PKD1L1: variants seen among roughly 807,000 people sequenced by gnomAD.
The protein encoded by PKD1L1 is polycystin-1-like protein 1.
PKD1L1 carries 236 observed loss-of-function variants against 323.4 expected under a neutral mutation model. The ratio of observed to expected loss-of-function variants is 0.73; its 90% CI spans 0.66 to 0.81. PKD1L1 has a LOEUF of 0.81. Ranked by LOEUF, PKD1L1 falls within the 40% of genes least tolerant of loss-of-function variation. PKD1L1 has a pLI of 0.00. For synonymous variants in PKD1L1, 1,344 were observed against 1,335.0 expected, an observed-to-expected ratio of 1.01 and a Z score of -0.15; for missense variants, 3,320 against 3,508.0, an observed-to-expected ratio of 0.95 and a Z score of 1.35.
intron 19 of PKD1L1, among the ~76,000 whole-genome samples, chr7:47,884,158 T>A (rs1001392759): frequency 1.9e-4 from 28 of 144,520 alleles, no homozygotes; most frequent in African/African-American, 6.8e-4. Flanking sequence ...CTGGTGTGTG[T>A]GTGTGTGTTT....
chr7:47,885,684 AC>A lies in PKD1L1; in HGVS notation c.3205+1del. 1 of 1,608,616 alleles carries A rather than the reference AC, an allele frequency of 6.2e-7. No homozygotes were observed. Among genetic ancestry groups the A allele is most frequent in the Non-Finnish European group, 8.5e-7 (1 of 1,177,010 alleles). Reference sequence around the variant, plus strand: ...ATGACATGCAGGAACAGTGGCACTTACCAGAGAGGTGAGGGTCAGGGCTGTG... The same window carrying A: ...ATGACATGCAGGAACAGTGGCACTTACAGAGAGGTGAGGGTCAGGGCTGTG... On this transcript the variant is annotated splice_donor_variant, in intron 18 of 56. Transcript: ENST00000289672. LOFTEE classifies it high-confidence loss of function.
chr7:47,907,991 A>T, intron 9 of PKD1L1, 86 bp downstream of exon 9: 1 of 1,339,418 alleles, frequency 7.5e-7, no homozygotes, highest in Non-Finnish European at 1.0e-6. Flanking sequence ...GAACTGCTAT[A>T]ACTTGAACAG....
chr7:47,954,120 A>C, the PKD1L1 span, among the ~76,000 whole-genome samples: 1 of 152,228 alleles, frequency 6.6e-6, no homozygotes, highest in Non-Finnish European at 1.5e-5. Context: ...TTGAGCCCTA[A>C]GGTCACTGGA....
intron 14 of PKD1L1, among the ~76,000 whole-genome samples, chr7:47,895,620 A>G (rs1037520664): frequency 1.3e-5 from 2 of 152,186 alleles, no homozygotes; most frequent in East Asian, 3.9e-4. Flanking sequence ...GTAAACATAT[A>G]TATGTGCTTT....
chr7:47,941,000 T>TGAGTAGA (rs1283008458), intron 2 of PKD1L1, among the ~76,000 whole-genome samples: 2 of 152,204 alleles, frequency 1.3e-5, no homozygotes, highest in African/African-American at 4.8e-5. Context: ...CTCATGCAGA[T>TGAGTAGA]GTTTGAAAAT....
intron 45 of PKD1L1, among the ~76,000 whole-genome samples, chr7:47,827,128 T>C (rs1325751546): frequency 6.6e-6 from 1 of 151,958 alleles, no homozygotes; most frequent in Admixed American, 6.5e-5. Context: ...TGGAACTGAG[T>C]TTTCTGACTT....
At chr7:47,841,780 C>T (rs1409820052) in intron 34 of PKD1L1, among the ~76,000 whole-genome samples, 1 of 151,972 alleles carries the variant, frequency 6.6e-6, no homozygotes, top group Non-Finnish European at 1.5e-5. Context: ...AGGCACCCCA[C>T]CATTTTTTAC....
chr7:47,865,568 ATTATTTTATTTTATT>A (rs376413474), intron 25 of PKD1L1, among the ~76,000 whole-genome samples: 1 of 140,490 alleles, frequency 7.1e-6, no homozygotes, highest in Non-Finnish European at 1.5e-5. Context: ...CAATTTATTT[ATTATTTTATTTTATT>A]TTATTTTATT....
rs57150538 is a variant in PKD1L1 at position 47,821,694 on chromosome 7, C to CTT, written c.6855-510_6855-509dup. Among the ~76,000 whole-genome samples, 850 of 141,464 alleles carry CTT rather than the reference C, an allele frequency of 6.0e-3. 4 individuals are homozygous for CTT. The highest frequency in any genetic ancestry group is 0.029 in the Middle Eastern group (8 of 280). The allele number at this position is 141,464 out of a possible 152,430, so 92.8% of individuals were successfully genotyped here. On this transcript the variant is annotated intron_variant, in intron 45 of 56. Coordinates refer to ENST00000289672, the MANE Select transcript of PKD1L1 (RefSeq NM_138295.5). ...ATATCAATATCAAGTTTTCCCAGCA[C>CTT]TTTTTTTTTTTTTGAGGCAATCTAG...
chr7:47,776,885 T>TTTTA (rs947796433), intron 56 of PKD1L1, among the ~76,000 whole-genome samples: 12 of 151,982 alleles, frequency 7.9e-5, no homozygotes, highest in African/African-American at 2.9e-4. Flanking sequence ...TCTTTTTTAT[T>TTTTA]TTTATTTATT....
Position 47,836,927 on chromosome 7 carries a change from T to C in PKD1L1, c.5937A>G (p.Gln1979=), listed in dbSNP as rs1785469762. 4 of 1,613,674 alleles carry C rather than the reference T, an allele frequency of 2.5e-6. No individual in the cohort carries two copies. Among genetic ancestry groups the C allele is most frequent in the African/African-American group, 1.3e-5 (1 of 75,062 alleles). The change falls in exon 37 of 57, where the codon CAA becomes CAG. Residue 1979 remains glutamine (Q), a synonymous_variant. Transcript: ENST00000289672. The part of the protein sequence containing the change: ...CLTALVAAGG[Q]EQPHLDVSPT... ...GAAAAGCGATGGCTCTCACCTGCTC[T>C]TGCCCTCCAGCAGCAACCAGGGCAG...
intron 22 of PKD1L1, 102 bp from the exon 23 acceptor site, chr7:47,876,319 A>C: frequency 1.5e-6 from 2 of 1,343,812 alleles, no homozygotes; most frequent in Non-Finnish European, 2.1e-6. Context: ...TACCAAGGAC[A>C]TTCTTTACAG....
chr7:47,812,134 T>C (rs966246903), intron 49 of PKD1L1, 83 bp from the exon 50 acceptor site: 1 of 1,139,430 alleles, frequency 8.8e-7, no homozygotes, highest in Admixed American at 2.0e-5. Flanking sequence ...GCAGGTCCCA[T>C]GCTGGGAACA....
At chr7:47,912,626 G>C (rs990442039) in intron 8 of PKD1L1, among the ~76,000 whole-genome samples, 2 of 151,816 alleles carry the variant, frequency 1.3e-5, no homozygotes, top group Non-Finnish European at 2.9e-5. Flanking sequence ...GCCTGGCCTG[G>C]CCTTCATGGT....
At chr7:47,819,689 C>T (rs1785100248) in intron 46 of PKD1L1, 1 of 758,478 alleles carries the variant, frequency 1.3e-6, no homozygotes, top group African/African-American at 1.9e-5. Context: ...ACAGAACACC[C>T]AGACTCATAG....
At chr7:47,791,193 C>T (rs1786938229) in intron 56 of PKD1L1, among the ~76,000 whole-genome samples, 1 of 152,070 alleles carries the variant, frequency 6.6e-6, no homozygotes, top group South Asian at 2.1e-4. Flanking sequence ...AGGGGAGACA[C>T]TAATTATAGA....
At chr7:47,835,498 T>G (rs1462184650) in intron 37 of PKD1L1, among the ~76,000 whole-genome samples, 1 of 152,084 alleles carries the variant, frequency 6.6e-6, no homozygotes, top group Middle Eastern at 3.2e-3. Context: ...CCTCCCGGGT[T>G]CAAGCGATTC....
chr7:47,826,508 T>C (rs573991366), intron 45 of PKD1L1, among the ~76,000 whole-genome samples: 6 of 152,256 alleles, frequency 3.9e-5, no homozygotes, highest in Non-Finnish European at 7.4e-5. Context: ...TGTGCCACAC[T>C]GTATGAAGGG....
chr7:47,774,997 A>T lies in PKD1L1; in HGVS notation c.*146T>A. On this transcript the variant is annotated 3_prime_UTR_variant, in exon 57 of 57. Coordinates refer to ENST00000289672, the MANE Select transcript of PKD1L1 (RefSeq NM_138295.5). The stretch of plus-strand genomic sequence containing the variant: ...TGATTTTCATCCTGGTTTCCCATTT[A>T]CTTGTTACGTGAACTGGAAAAATTA... The T allele has an allele frequency of 1.3e-6, 1 of 785,456 alleles. No homozygotes were observed. Among genetic ancestry groups the T allele is most frequent in the Non-Finnish European group, 2.1e-6 (1 of 469,526 alleles). The allele number at this position is 785,456 out of a possible 1,614,324, so 48.7% of individuals were successfully genotyped here.
Sources: gnomAD v4.1 joint callset for allele counts (sites outside exome capture counted in the v4.1 genomes callset) on GRCh38, gnomAD v4.1.1 for gene constraint, MANE v1.5 for transcripts, NCBI Gene and HGNC (gene_info 2026-07-23, HGNC 2026-07-21) for gene names.